Variants in ADGRV1 observed in about 807,000 individuals in gnomAD.
The protein encoded by ADGRV1 is G-protein coupled receptor 98.
ADGRV1 carries 359 observed loss-of-function variants against 596.2 expected under a neutral mutation model. The observed-to-expected ratio is 0.60, with a 90% CI of 0.55 to 0.66. The LOEUF (loss-of-function observed/expected upper bound fraction) is 0.66, where lower values mean the gene tolerates loss of function less well. Ranked by LOEUF, ADGRV1 falls within the 30% of genes least tolerant of loss-of-function variation. ADGRV1 has a pLI of 0.00. For missense variants in ADGRV1, 7,274 were observed against 7,575.6 expected, an observed-to-expected ratio of 0.96 and a Z score of 1.48; for synonymous variants, 2,681 against 2,679.2, an observed-to-expected ratio of 1.00 and a Z score of -0.02.
At chr5:90,765,880 T>A (rs1031386917) in intron 59 of ADGRV1, among the ~76,000 whole-genome samples, 15 of 151,462 alleles carry the variant, frequency 9.9e-5, no homozygotes, top group East Asian at 3.9e-4. Flanking sequence ...TTTTTTTTTT[T>A]AATTTTTTAA....
At chr5:90,998,393 T>A (rs1344992280) in intron 85 of ADGRV1, among the ~76,000 whole-genome samples, 2 of 152,102 alleles carry the variant, frequency 1.3e-5, no homozygotes, top group East Asian at 3.9e-4. Context: ...ACTTTTTATT[T>A]ACTGAAAAGT....
intron 85 of ADGRV1, among the ~76,000 whole-genome samples, chr5:91,070,399 T>C (rs16869404): frequency 0.15 from 23,139 of 152,220 alleles, 2,285 homozygotes; most frequent in African/African-American, 0.28. Context: ...AGTCTAGTGT[T>C]TATGGCTGTA....
At chr5:90,691,457 T>C (rs1202980039) in intron 31 of ADGRV1, among the ~76,000 whole-genome samples, 2 of 150,226 alleles carry the variant, frequency 1.3e-5, no homozygotes, top group East Asian at 2.0e-4. Context: ...TGATCTTGGC[T>C]CACTGCAACC....
At chr5:91,152,042 G>T (rs770290184) in intron 88 of ADGRV1, among the ~76,000 whole-genome samples, 3 of 152,240 alleles carry the variant, frequency 2.0e-5, no homozygotes, top group Non-Finnish European at 2.9e-5. Context: ...GGCAGTAGCT[G>T]TAACAGTCCA....
At chr5:90,867,090 G>A (rs1768196812) in intron 83 of ADGRV1, among the ~76,000 whole-genome samples, 1 of 152,000 alleles carries the variant, frequency 6.6e-6, no homozygotes, top group African/African-American at 2.4e-5. Flanking sequence ...CCCTGATAAG[G>A]CTGGTAAACA....
intron 11 of ADGRV1, chr5:90,640,871 A>G (rs1766882980): frequency 6.6e-6 from 1 of 152,546 alleles, no homozygotes; most frequent in Non-Finnish European, 1.5e-5. Flanking sequence ...TATTTTGGGT[A>G]AGTGTACAAA....
At chr5:90,916,907 C>T (rs1437415847) in intron 83 of ADGRV1, among the ~76,000 whole-genome samples, 2 of 152,156 alleles carry the variant, frequency 1.3e-5, no homozygotes, top group African/African-American at 4.8e-5. Context: ...GCTGGGATTA[C>T]AGGCGTGAGC....
At chr5:90,939,601 GA>G (rs1231837896) in intron 83 of ADGRV1, among the ~76,000 whole-genome samples, 6 of 152,066 alleles carry the variant, frequency 3.9e-5, no homozygotes, top group African/African-American at 7.2e-5. Context: ...AAGCAAATGG[GA>G]AAAAATGATA....
chr5:90,966,796 G>A (rs1210625446), intron 84 of ADGRV1, among the ~76,000 whole-genome samples: 1 of 152,090 alleles, frequency 6.6e-6, no homozygotes, highest in African/African-American at 2.4e-5. Context: ...AGAGGAGGAT[G>A]GTGCGTAGTA....
At position 90,644,686 on chromosome 5, in the gene ADGRV1, T is replaced by G. The variant is rs2149435943; in HGVS notation, c.2735-20T>G. ...GTTTCGTATGTCTTCATATGTATTA[T>G]GTATGTTTCCATTTCACAGCTGTTT... On this transcript the variant is annotated intron_variant, in intron 14 of 89. Coordinates refer to ENST00000405460, the MANE Select transcript of ADGRV1 (RefSeq NM_032119.4). 1 of 1,589,768 alleles carries G rather than the reference T, an allele frequency of 6.3e-7. No homozygotes were observed. Among genetic ancestry groups the G allele is most frequent in the Non-Finnish European group, 8.5e-7 (1 of 1,170,086 alleles).
chr5:90,991,219 A>G (rs1780932186), intron 85 of ADGRV1, among the ~76,000 whole-genome samples: 1 of 152,214 alleles, frequency 6.6e-6, no homozygotes, highest in African/African-American at 2.4e-5. Flanking sequence ...ATGACACAAT[A>G]AAGATGATAG....
chr5:90,654,547 A>T (rs1439816226), intron 20 of ADGRV1: 1 of 156,682 alleles, frequency 6.4e-6, no homozygotes, highest in Admixed American at 6.1e-5. Flanking sequence ...ATTCCTCAAG[A>T]AGCACATTTG....
Position 90,694,574 on chromosome 5 carries a change from G to A in ADGRV1, c.7818G>A (p.Val2606=), listed in dbSNP as rs753621703. 10 of 1,613,898 alleles carry A rather than the reference G, an allele frequency of 6.2e-6. No homozygotes were observed. In the South Asian group the frequency reaches 1.1e-4, roughly 18 times the overall value. The change falls in exon 33 of 90, where the codon GTG becomes GTA. Residue 2606 remains valine, a synonymous_variant. Transcript: ENST00000405460. ...VEVQEQPQTL[V]ELMIHRTGGS... The stretch of plus-strand genomic sequence containing the variant: ...TTCAGGAGCAGCCCCAAACCTTGGT[G>A]GAGCTGATGATACACAGGACAGGGG...
chr5:91,161,418 A>G lies in ADGRV1; in HGVS notation c.18803-2364A>G, dbSNP rs1489396126. Among the ~76,000 whole-genome samples the G allele has an allele frequency of 2.6e-5, 4 of 151,934 alleles. No individual in the cohort carries two copies. In the East Asian group the frequency reaches 7.7e-4, roughly 29 times the overall value. On this transcript the variant is annotated intron_variant, in intron 89 of 89. Coordinates refer to ENST00000405460, the MANE Select transcript of ADGRV1 (RefSeq NM_032119.4). The stretch of plus-strand genomic sequence containing the variant: ...GACAAACTGAAGGACTGCCTGGTCC[A>G]TGGGTTTTTTGTTGTTGTTTTTTGT...
At chr5:90,819,051 C>G (rs948928477) in intron 75 of ADGRV1, among the ~76,000 whole-genome samples, 2 of 152,036 alleles carry the variant, frequency 1.3e-5, no homozygotes, top group African/African-American at 4.8e-5. Context: ...GTCCTGGACT[C>G]TTTTTGGTTG....
At chr5:90,723,185 G>T (rs554974949) in intron 45 of ADGRV1, among the ~76,000 whole-genome samples, 1 of 152,030 alleles carries the variant, frequency 6.6e-6, no homozygotes, top group South Asian at 2.1e-4. Flanking sequence ...AAAGAAGAGA[G>T]ACCTCAAATA....
chr5:90,871,296 TTTTA>T lies in ADGRV1; in HGVS notation c.17856+7444_17856+7447del, dbSNP rs148173622. ...AAATATTATTTTATTTTTGCTTTCT[TTTTA>T]TTTAAGGCTACATTTTCCTTTATGT... On this transcript the variant is annotated intron_variant, in intron 83 of 89. Coordinates refer to ENST00000405460, the MANE Select transcript of ADGRV1 (RefSeq NM_032119.4). Among the ~76,000 whole-genome samples the T allele has an allele frequency of 7.8e-3, 1,189 of 152,304 alleles. 17 individuals carry two copies. Among genetic ancestry groups the T allele is most frequent in the African/African-American group, 0.027 (1,132 of 41,550 alleles).
chr5:90,613,224 A>G (rs1204588383), intron 1 of ADGRV1, among the ~76,000 whole-genome samples: 3 of 152,038 alleles, frequency 2.0e-5, no homozygotes, highest in Non-Finnish European at 4.4e-5. Context: ...ATTGTAGTTG[A>G]TCTTTTTCTT....
intron 59 of ADGRV1, among the ~76,000 whole-genome samples, chr5:90,771,582 TTAAAGGC>T: frequency 6.6e-6 from 1 of 152,248 alleles, no homozygotes; most frequent in East Asian, 1.9e-4. Flanking sequence ...AGGATAAAAA[TTAAAGGC>T]TTTAAATTTT....
Sources: allele counts gnomAD v4.1 joint callset (sites outside exome capture counted in the v4.1 genomes callset), GRCh38; gene constraint gnomAD v4.1.1; transcripts MANE v1.5; gene names NCBI Gene and HGNC (gene_info 2026-07-23, HGNC 2026-07-21).